The following CCSER1 variants were observed in gnomAD, a reference collection of about 807,000 sequenced individuals.
CCSER1 encodes the protein serine-rich coiled-coil domain-containing protein 1.
Under a neutral mutation model 82.0 loss-of-function variants are expected in CCSER1, and 41 were observed. The observed-to-expected ratio is 0.50, with a 90% confidence interval of 0.39 to 0.65. The LOEUF (loss-of-function observed/expected upper bound fraction) is 0.65. Ranked by LOEUF, CCSER1 falls within the 30% of genes least tolerant of loss-of-function variation. The pLI is 0.00. For missense variants in CCSER1, 1,119 were observed against 1,064.2 expected (o/e 1.05, Z -0.72); for synonymous variants, 414 against 383.9 (o/e 1.08, Z -0.92).
chr4:90,787,727 T>C (rs1365638929), intron 7 of CCSER1, among the ~76,000 whole-genome samples: 1 of 152,222 alleles, frequency 6.6e-6, no homozygotes, highest in Non-Finnish European at 1.5e-5. Flanking sequence ...CTCCATGAAC[T>C]TCATCATGTA....
chr4:90,492,827 T>G (rs575278613), intron 5 of CCSER1, among the ~76,000 whole-genome samples: 1 of 152,214 alleles, frequency 6.6e-6, no homozygotes, highest in Non-Finnish European at 1.5e-5. Flanking sequence ...AGCTGAGCAG[T>G]TTTGAGTGAG....
At chr4:90,254,900 T>A (rs948966638) in intron 1 of CCSER1, among the ~76,000 whole-genome samples, 1 of 152,084 alleles carries the variant, frequency 6.6e-6, no homozygotes, top group Non-Finnish European at 1.5e-5. Flanking sequence ...GTAGTGTTCT[T>A]AGCATTTACT....
At chr4:91,136,131 G>T (rs1728449402) in intron 10 of CCSER1, among the ~76,000 whole-genome samples, 1 of 152,060 alleles carries the variant, frequency 6.6e-6, no homozygotes, top group Non-Finnish European at 1.5e-5. Context: ...TTCCTCATCT[G>T]ATGTCCCTGA....
intron 10 of CCSER1, among the ~76,000 whole-genome samples, chr4:91,151,112 G>T (rs755552155): frequency 4.6e-5 from 7 of 152,022 alleles, no homozygotes; most frequent in Non-Finnish European, 1.0e-4. Flanking sequence ...ACTTTTTTTG[G>T]TTGGTAGGCT....
At chr4:91,591,265 T>C (rs1764257248) in intron 10 of CCSER1, among the ~76,000 whole-genome samples, 1 of 152,166 alleles carries the variant, frequency 6.6e-6, no homozygotes, top group African/African-American at 2.4e-5. Context: ...TTCAATATTT[T>C]ATTCAGTGAG....
chr4:91,573,153 A>G (rs1763274713), intron 10 of CCSER1, among the ~76,000 whole-genome samples: 1 of 152,196 alleles, frequency 6.6e-6, no homozygotes, highest in Non-Finnish European at 1.5e-5. Context: ...GAACCCCTCC[A>G]ACCCTGGTTG....
At chr4:90,180,054 A>T (rs1488047310) in intron 1 of CCSER1, among the ~76,000 whole-genome samples, 1 of 151,564 alleles carries the variant, frequency 6.6e-6, no homozygotes. Flanking sequence ...CCTTTTTCCT[A>T]TAAACGTATT....
chr4:90,309,226 T>C lies in CCSER1; in HGVS notation c.942T>C (p.Val314=). 8 of 1,613,924 alleles carry C rather than the reference T, an allele frequency of 5.0e-6. No individual in the cohort carries two copies. Among genetic ancestry groups the C allele is most frequent in the Non-Finnish European group, 6.8e-6 (8 of 1,179,832 alleles). Residue 314 remains valine (V), a synonymous_variant, in exon 2 of 11, where the codon GTT becomes GTC. Coordinates refer to ENST00000509176, the MANE Select transcript of CCSER1 (RefSeq NM_001145065.2). Reference sequence around the variant, plus strand: ...CAACAACAGAACTTACGGGAACTGTTCCCTGTGCAATTATGTCTCCTGGGA... The same window carrying C: ...CAACAACAGAACTTACGGGAACTGTCCCCTGTGCAATTATGTCTCCTGGGA... ...TKTTTELTGT[V]PCAIMSPGKY... is the part of the protein sequence containing the mutation.
chr4:90,946,574 T>C (rs1391671814), intron 9 of CCSER1, among the ~76,000 whole-genome samples: 1 of 149,328 alleles, frequency 6.7e-6, no homozygotes, highest in Non-Finnish European at 1.5e-5. Context: ...GAGGTTACAG[T>C]GAGCCTAGAT....
At position 90,651,653 on chromosome 4, in the gene CCSER1, G is replaced by A. The variant is rs949523577; in HGVS notation, c.1932+23421G>A. The stretch of plus-strand genomic sequence containing the variant: ...GTATACCTACGTAACAAAACTGCAC[G>A]TTCTCTGCATGCATCCCAGAACTTA... On this transcript the variant is annotated intron_variant, in intron 6 of 10. Transcript: ENST00000509176. 2.0e-5 allele frequency among the ~76,000 whole-genome samples: 3 copies of A among 151,154 alleles called. No homozygotes were observed. In the East Asian group the frequency reaches 5.8e-4, roughly 29 times the overall value.
At chr4:90,499,572 G>A (rs957211278) in intron 5 of CCSER1, among the ~76,000 whole-genome samples, 1 of 152,110 alleles carries the variant, frequency 6.6e-6, no homozygotes, top group Non-Finnish European at 1.5e-5. Flanking sequence ...CAATGGTTTT[G>A]TTTTTATTTT....
chr4:90,144,548 C>T (rs1725450754), intron 1 of CCSER1, among the ~76,000 whole-genome samples: 1 of 152,046 alleles, frequency 6.6e-6, no homozygotes, highest in South Asian at 2.1e-4. Context: ...GCTGAGTAAA[C>T]TCCTGTTTAA....
chr4:91,469,203 A>C (rs2149441883), intron 10 of CCSER1, among the ~76,000 whole-genome samples: 1 of 152,280 alleles, frequency 6.6e-6, no homozygotes, highest in African/African-American at 2.4e-5. Context: ...TAGGCAAGTT[A>C]AACTTCATAT....
chr4:90,531,765 G>T (rs1167022320), intron 5 of CCSER1, among the ~76,000 whole-genome samples: 1 of 151,986 alleles, frequency 6.6e-6, no homozygotes, highest in Non-Finnish European at 1.5e-5. Flanking sequence ...ATACATACAC[G>T]CATGCATACA....
chr4:91,462,671 T>A (rs1471295077), intron 10 of CCSER1, among the ~76,000 whole-genome samples: 1 of 152,204 alleles, frequency 6.6e-6, no homozygotes, highest in Non-Finnish European at 1.5e-5. Context: ...AATACTGTGC[T>A]TTTCCAATGG....
intron 6 of CCSER1, among the ~76,000 whole-genome samples, chr4:90,666,015 T>C (rs1018638417): frequency 3.3e-5 from 5 of 152,114 alleles, no homozygotes; most frequent in African/African-American, 1.2e-4. Flanking sequence ...GGAGCCTCTG[T>C]CATATTCTTA....
chr4:90,320,746 T>C (rs970549163), intron 3 of CCSER1, among the ~76,000 whole-genome samples: 2 of 152,160 alleles, frequency 1.3e-5, no homozygotes, highest in East Asian at 1.9e-4. Flanking sequence ...ATTTTTGTCT[T>C]TCTGAACTTT....
Position 90,308,262 on chromosome 4 carries a change from A to G in CCSER1, c.-23A>G, listed in dbSNP as rs375470349. 20 of 1,509,108 alleles carry G rather than the reference A, an allele frequency of 1.3e-5. No homozygotes were observed. In the African/African-American group the frequency reaches 2.5e-4, roughly 19 times the overall value. 93.5% of individuals were successfully genotyped at this position (1,509,108 alleles called of 1,614,324 possible). A position where few individuals can be genotyped will look rare whatever the true frequency, so the allele number is the denominator to read the frequency against. On this transcript the variant is annotated 5_prime_UTR_variant, in exon 2 of 11. Coordinates refer to ENST00000509176, the MANE Select transcript of CCSER1 (RefSeq NM_001145065.2). ...TTCTCAGGCTGCAAAGTTGGCTTTC[A>G]CAGTGCAAGCCTTTGATTCCCAATG...
At chr4:90,923,880 A>G (rs1011428041) in intron 9 of CCSER1, among the ~76,000 whole-genome samples, 1 of 152,350 alleles carries the variant, frequency 6.6e-6, no homozygotes. Flanking sequence ...AATTTAAAAT[A>G]ATGTTTTAGC....
Sources: allele counts gnomAD v4.1 joint callset (sites outside exome capture counted in the v4.1 genomes callset), GRCh38; gene constraint gnomAD v4.1.1; transcripts MANE v1.5; gene names NCBI Gene and HGNC (gene_info 2026-07-23, HGNC 2026-07-21).